CFTR: variants seen among roughly 807,000 people sequenced by gnomAD.
The protein encoded by CFTR is cystic fibrosis transmembrane conductance regulator.
CFTR carries 181 observed loss-of-function variants against 171.6 expected under a neutral mutation model. The observed-to-expected ratio is 1.05, with a 90% CI of 0.93 to 1.19. The LOEUF (loss-of-function observed/expected upper bound fraction) is 1.19. Among genes scored for constraint, CFTR ranks in the 50% most tolerant of loss-of-function variants. The pLI is 0.00. For missense variants in CFTR, 1,968 were observed against 1,734.7 expected (o/e 1.13, Z -2.39); for synonymous variants, 583 against 608.0 (o/e 0.96, Z 0.60).
intron 23 of CFTR, among the ~76,000 whole-genome samples, chr7:117,644,506 A>G (rs1792969331): frequency 6.6e-6 from 1 of 151,998 alleles, no homozygotes; most frequent in African/African-American, 2.4e-5. Flanking sequence ...CAACTCCGAG[A>G]CTTTGCAAGG....
At chr7:117,569,608 C>A (rs750136754) in intron 11 of CFTR, among the ~76,000 whole-genome samples, 2 of 151,712 alleles carry the variant, frequency 1.3e-5, no homozygotes, top group East Asian at 3.9e-4. Flanking sequence ...TATGAGGGAG[C>A]CTGAGGAGAA....
chr7:117,657,489 CAAGT>C (rs1164172775), intron 24 of CFTR, among the ~76,000 whole-genome samples: 2 of 152,078 alleles, frequency 1.3e-5, no homozygotes, highest in Non-Finnish European at 2.9e-5. Flanking sequence ...AACAAACAAG[CAAGT>C]ATCAGCCTAG....
intron 10 of CFTR, among the ~76,000 whole-genome samples, chr7:117,552,527 A>G (rs888394102): frequency 3.3e-5 from 5 of 152,106 alleles, no homozygotes; most frequent in Admixed American, 1.3e-4. Flanking sequence ...AATATATTTC[A>G]GGTGATATTA....
Position 117,540,304 on chromosome 7 carries a change from A to G in CFTR, c.1074A>G (p.Val358=), listed in dbSNP as rs200708728. ...TCACTCGGCAATTTCCCTGGGCTGT[A>G]CAAACATGGTATGACTCTCTTGGAG... is the stretch of plus-strand genomic sequence containing the variant. ...MAVTRQFPWA[V]QTWYDSLGAI... The change falls in exon 8 of 27, where the codon GTA becomes GTG. Residue 358 remains valine (V), a synonymous_variant. Coordinates refer to ENST00000003084, the MANE Select transcript of CFTR (RefSeq NM_000492.4). 1 of 1,614,038 alleles carries G rather than the reference A, an allele frequency of 6.2e-7. No individual in the cohort carries two copies. Among genetic ancestry groups the G allele is most frequent in the Non-Finnish European group, 8.5e-7 (1 of 1,179,892 alleles).
intron 24 of CFTR, among the ~76,000 whole-genome samples, chr7:117,655,368 C>T (rs1011692543): frequency 6.6e-6 from 1 of 152,160 alleles, no homozygotes; most frequent in Non-Finnish European, 1.5e-5. Context: ...CAGCCAAGTT[C>T]TTTGACATTT....
intron 15 of CFTR, among the ~76,000 whole-genome samples, chr7:117,601,340 A>C (rs2213958): frequency 6.6e-6 from 1 of 151,862 alleles, no homozygotes; most frequent in African/African-American, 2.4e-5. Context: ...TAGTTTTTAC[A>C]GATACAGTGC....
intron 1 of CFTR, among the ~76,000 whole-genome samples, chr7:117,500,071 G>T (rs554969886): frequency 3.1e-4 from 47 of 152,232 alleles, no homozygotes; most frequent in African/African-American, 9.6e-4. Context: ...TCTAGTGGAA[G>T]AAATGCTGAA....
chr7:117,542,294 C>T (rs1799068708), intron 9 of CFTR, among the ~76,000 whole-genome samples, 186 bp downstream of exon 9: 1 of 152,160 alleles, frequency 6.6e-6, no homozygotes, highest in Non-Finnish European at 1.5e-5. Context: ...TGGTTGTAAT[C>T]CCAGCACTTT....
intron 18 of CFTR, among the ~76,000 whole-genome samples, chr7:117,607,245 T>C (rs1792313589): frequency 6.6e-6 from 1 of 152,122 alleles, no homozygotes; most frequent in African/African-American, 2.4e-5. Flanking sequence ...GAAGCAAAGA[T>C]AAGTTTTAGA....
At chr7:117,520,854 C>A (rs1311110333) in intron 3 of CFTR, among the ~76,000 whole-genome samples, 3 of 151,852 alleles carry the variant, frequency 2.0e-5, no homozygotes, top group Non-Finnish European at 4.4e-5. Context: ...AAAATTGAGA[C>A]TGACAGTCCC....
At chr7:117,614,577 A>C (rs1337370963) in intron 20 of CFTR, 36 bp from the exon 21 acceptor site, 1 of 1,327,206 alleles carries the variant, frequency 7.5e-7, no homozygotes, top group Admixed American at 1.7e-5. Flanking sequence ...GAGAGAAATA[A>C]CATGAGGTTC....
At chr7:117,608,987 G>A (rs1792341942) in intron 18 of CFTR, among the ~76,000 whole-genome samples, 1 of 152,046 alleles carries the variant, frequency 6.6e-6, no homozygotes. Context: ...TGTTCACCAT[G>A]GGTAAATGTT....
intron 3 of CFTR, among the ~76,000 whole-genome samples, chr7:117,525,066 A>G (rs1217852435): frequency 3.9e-5 from 6 of 152,236 alleles, no homozygotes. Context: ...CAGTAGATAT[A>G]GCAAACAGTT....
chr7:117,484,489 A>C (rs1455709551), intron 1 of CFTR, among the ~76,000 whole-genome samples: 1 of 152,038 alleles, frequency 6.6e-6, no homozygotes, highest in Admixed American at 6.6e-5. Context: ...TGTTGTCTGA[A>C]CACTAACAAA....
chr7:117,532,634 T>C (rs1798882043), intron 4 of CFTR, among the ~76,000 whole-genome samples: 1 of 152,000 alleles, frequency 6.6e-6, no homozygotes, highest in Admixed American at 6.6e-5. Flanking sequence ...GCAGGTTAGT[T>C]TGTAAACATG....
intron 9 of CFTR, among the ~76,000 whole-genome samples, chr7:117,546,913 T>A (rs528924410): frequency 1.6e-4 from 24 of 152,330 alleles, no homozygotes; most frequent in African/African-American, 5.3e-4. Flanking sequence ...ATTTATTTGG[T>A]CAAGGGTGAG....
intron 17 of CFTR, among the ~76,000 whole-genome samples, chr7:117,606,223 G>T (rs1469376349): frequency 6.6e-6 from 1 of 152,218 alleles, no homozygotes; most frequent in East Asian, 1.9e-4. Context: ...AGCAGCCAGG[G>T]TTTCGGTAGA....
At chr7:117,663,599 G>A (rs896940812) in intron 24 of CFTR, among the ~76,000 whole-genome samples, 3 of 150,672 alleles carry the variant, frequency 2.0e-5, no homozygotes, top group African/African-American at 7.3e-5. Flanking sequence ...TCCTGGTCGT[G>A]TGATGGGCAC....
intron 3 of CFTR, among the ~76,000 whole-genome samples, chr7:117,518,035 G>C (rs895207579): frequency 6.6e-6 from 1 of 150,964 alleles, no homozygotes; most frequent in Non-Finnish European, 1.5e-5. Flanking sequence ...TCTTTTGCTG[G>C]ATAGAACATG....
Sources: allele counts gnomAD v4.1 joint callset (sites outside exome capture counted in the v4.1 genomes callset), GRCh38; gene constraint gnomAD v4.1.1; transcripts MANE v1.5; gene names NCBI Gene and HGNC (gene_info 2026-07-23, HGNC 2026-07-21).